The following ATP6AP1 variants were observed in gnomAD, a reference collection of about 807,000 sequenced individuals.
ATP6AP1 encodes ATPase H+ transporting accessory protein 1.
A neutral mutation model predicts 32.0 loss-of-function variants in ATP6AP1; 1 was observed. The ratio of observed to expected loss-of-function variants is 0.03; its 90% CI spans 0.01 to 0.15. The LOEUF (loss-of-function observed/expected upper bound fraction) is 0.15, where lower values mean the gene tolerates loss of function less well. ATP6AP1 is among the 10% of genes least tolerant of loss of function. The pLI is 1.00. For missense variants in ATP6AP1, 297 were observed against 398.8 expected, an observed-to-expected ratio of 0.74 and a Z score of 2.17; for synonymous variants, 187 against 174.9, an observed-to-expected ratio of 1.07 and a Z score of -0.55.
rs374255996 is a variant in ATP6AP1 at position 154,435,663 on chromosome X, G to A, written c.1204-19G>A. 176 of 1,207,330 alleles carry A rather than the reference G, an allele frequency of 1.5e-4. No individual in the cohort carries two copies. The highest frequency in any genetic ancestry group is 1.4e-3 in the Middle Eastern group (6 of 4,363). On this transcript the variant is annotated intron_variant, in intron 9 of 9. Coordinates refer to ENST00000369762, the MANE Select transcript of ATP6AP1 (RefSeq NM_001183.6). ...GCCTCCCAACGGTCCTTTCTGACCC[G>A]TGTCTGTGTGTCTGCCAGATCCAGG... is the stretch of plus-strand genomic sequence containing the variant.
chrX:154,428,745 A>T lies in ATP6AP1; in HGVS notation c.53A>T (p.Gln18Leu), dbSNP rs1350076008. 8.7e-7 allele frequency: 1 copy of T among 1,144,244 alleles called. No individual in the cohort carries two copies. The highest frequency in any genetic ancestry group is 1.2e-6 in the Non-Finnish European group (1 of 866,890). The allele number at this position is 1,144,244 out of a possible 1,213,427, so 94.3% of individuals were successfully genotyped here. The stretch of plus-strand genomic sequence containing the variant: ...GTGCGGATGGGGCCGCGGTGCGCCC[A>T]GGCGCTCTGGCGCATGCCGTGGCTG... ...ARVRMGPRCA[Q>L]ALWRMPWLPV... The change falls in exon 1 of 10, where the codon CAG (glutamine) becomes CTG (leucine). Residue 18 changes from glutamine (Q) to leucine (L), a missense_variant. Around this residue, in one of 2 missense-constraint regions of ATP6AP1, gnomAD observed 142 missense variants for 145.0 expected, o/e 0.98. Coordinates refer to ENST00000369762, the MANE Select transcript of ATP6AP1 (RefSeq NM_001183.6).
At chrX:154,435,564 C>G (rs1482750787) in intron 9 of ATP6AP1, 59 bp downstream of exon 9, 2 of 1,183,083 alleles carry the variant, frequency 1.7e-6, no homozygotes, top group Non-Finnish European at 2.3e-6. Flanking sequence ...GGTTGAGAGA[C>G]GAAGAGAGGC....
chrX:154,434,267 G>A lies in ATP6AP1; in HGVS notation c.744G>A (p.Gln248=), dbSNP rs201115233. 1.3e-4 allele frequency: 161 copies of A among 1,210,134 alleles called. No homozygotes were observed. The highest frequency in any genetic ancestry group is 1.8e-4 in the Non-Finnish European group (158 of 895,169). ...GGLGRQLLQK[Q]PVSPVIHPPV... The stretch of plus-strand genomic sequence containing the variant: ...TAGGTCGCCAGCTGCTACAAAAACA[G>A]CCAGTATCACCTGTGATCCATCCTC... Residue 248 remains glutamine, a synonymous_variant, in exon 7 of 10, where the codon CAG becomes CAA. Transcript: ENST00000369762.
Position 154,434,236 on chromosome X carries a change from G to A in ATP6AP1, c.713G>A (p.Gly238Glu), listed in dbSNP as rs2068708025. The A allele has an allele frequency of 8.3e-7, 1 of 1,211,746 alleles. No homozygotes were observed. Among genetic ancestry groups the A allele is most frequent in the Non-Finnish European group, 1.1e-6 (1 of 895,470 alleles). Residue 238 changes from glycine (G) to glutamate (E), a missense_variant, in exon 7 of 10, where the codon GGA becomes GAA. This residue lies in a region of ATP6AP1 where 155 missense variants were observed against 253.8 expected (regional missense o/e 0.61). Transcript: ENST00000369762. ...RVARDVAVVA[G>E]GLGRQLLQKQ... ...GCCCGTGATGTAGCCGTGGTGGCCGGAGGGCTAGGTCGCCAGCTGCTACAA... is the reference window on the plus strand; with the variant it reads ...GCCCGTGATGTAGCCGTGGTGGCCGAAGGGCTAGGTCGCCAGCTGCTACAA...
In ATP6AP1 at chrX:154,432,319, T is replaced by C. The variant is rs782447190; in HGVS notation, c.417T>C (p.Tyr139=). Reference sequence around the variant, plus strand: ...TGGTGCTTCCTGCCGTCGACTGGTATGCAGTCAGCACTCTGACCACTTACC... The same window carrying C: ...TGGTGCTTCCTGCCGTCGACTGGTACGCAGTCAGCACTCTGACCACTTACC... The part of the protein sequence containing the change: ...SSLVLPAVDW[Y]AVSTLTTYLQ... The change falls in exon 4 of 10, where the codon TAT becomes TAC. Residue 139 remains tyrosine, a synonymous_variant. Coordinates refer to ENST00000369762, the MANE Select transcript of ATP6AP1 (RefSeq NM_001183.6). 50 of 1,211,296 alleles carry C rather than the reference T, an allele frequency of 4.1e-5. No individual in the cohort carries two copies. The highest frequency in any genetic ancestry group is 5.1e-5 in the Non-Finnish European group (46 of 895,365).
chrX:154,428,865 G>C lies in ATP6AP1; in HGVS notation c.161+12G>C. 9.2e-7 allele frequency: 1 copy of C among 1,087,924 alleles called. No individual in the cohort carries two copies. The highest frequency in any genetic ancestry group is 1.2e-6 in the Non-Finnish European group (1 of 843,800). The allele number at this position is 1,087,924 out of a possible 1,213,427, so 89.7% of individuals were successfully genotyped here. A position where few individuals can be genotyped will look rare whatever the true frequency, so the allele number is the denominator to read the frequency against. ...TGGTCGAGTGACCGGTGAGCGGGCC[G>C]GGGTGGGATGCGCTGTGGCGGCTGA... is the stretch of plus-strand genomic sequence containing the variant. On this transcript the variant is annotated intron_variant, in intron 1 of 9. Transcript: ENST00000369762.
chrX:154,433,788 G>T, intron 6 of ATP6AP1, 68 bp downstream of exon 6: 3 of 1,101,112 alleles, frequency 2.7e-6, no homozygotes, highest in Non-Finnish European at 3.7e-6. Flanking sequence ...CTGCTTGGAG[G>T]TGGGGAGTGT....
intron 2 of ATP6AP1, 141 bp downstream of exon 2, chrX:154,429,315 A>G (rs782799723): frequency 5.9e-5 from 47 of 797,835 alleles, no homozygotes; most frequent in Non-Finnish European, 4.5e-5. Flanking sequence ...GTCTCATGGG[A>G]AGGCCTGTAG....
intron 2 of ATP6AP1, 172 bp from the exon 3 acceptor site, chrX:154,431,658 G>A (rs781867145): frequency 1.5e-4 from 73 of 491,397 alleles, no homozygotes; most frequent in Middle Eastern, 5.9e-4. Context: ...GAGGGAAGAG[G>A]TGAGTCTCCC....
intron 2 of ATP6AP1, chrX:154,431,415 C>A: frequency 6.4e-6 from 1 of 155,977 alleles, no homozygotes; most frequent in South Asian, 1.6e-4. Flanking sequence ...AGGGTCCCGT[C>A]CAGACTGGAC....
At chrX:154,433,571 G>T (rs1307060941) in intron 5 of ATP6AP1, 64 bp from the exon 6 acceptor site, 2 of 1,051,563 alleles carry the variant, frequency 1.9e-6, no homozygotes, top group African/African-American at 3.7e-5. Context: ...GCAGACAGTG[G>T]GGAGTGTTTC....
intron 2 of ATP6AP1, chrX:154,431,584 G>A: frequency 2.7e-6 from 1 of 376,979 alleles, no homozygotes; most frequent in Non-Finnish European, 4.6e-6. Context: ...CAAGTCAGCT[G>A]CCTGCAGATC....
intron 4 of ATP6AP1, 140 bp downstream of exon 4, chrX:154,432,599 G>C (rs2068699981): frequency 1.1e-6 from 1 of 893,520 alleles, no homozygotes; most frequent in Non-Finnish European, 1.5e-6. Context: ...GGTGCCCTGT[G>C]TGGCCAGAAG....
chrX:154,432,478 A>T lies in ATP6AP1; in HGVS notation c.557+19A>T. The stretch of plus-strand genomic sequence containing the variant: ...CAGCCAGGTACTGCCCGCATGGCCC[A>T]GCCACCAGCCTCGGGGCCCAGAGAG... On this transcript the variant is annotated intron_variant, in intron 4 of 9. Transcript: ENST00000369762. 4 of 1,156,189 alleles carry T rather than the reference A, an allele frequency of 3.5e-6. No homozygotes were observed. The highest frequency in any genetic ancestry group is 3.5e-6 in the Non-Finnish European group (3 of 866,183).
rs1470395239 is a variant in ATP6AP1, at chrX:154,435,271, C to T, written c.972-3C>T. The T allele has an allele frequency of 8.3e-7, 1 of 1,209,623 alleles. No homozygotes were observed. The highest frequency in any genetic ancestry group is 2.2e-5 in the Admixed American group (1 of 45,828). On this transcript the variant is annotated splice_polypyrimidine_tract_variant and splice_region_variant and intron_variant, in intron 8 of 9. Transcript: ENST00000369762. The stretch of plus-strand genomic sequence containing the variant: ...CACCTGACATCCCTGCCACCTTCCC[C>T]AGGTTCATTCTGGCCAACCGCCTCT...
At position 154,434,255 on chromosome X, in the gene ATP6AP1, G is replaced by A; in HGVS notation, c.732G>A (p.Leu244=). 8.3e-7 allele frequency: 1 copy of A among 1,211,914 alleles called. No homozygotes were observed. Among genetic ancestry groups the A allele is most frequent in the Non-Finnish European group, 1.1e-6 (1 of 895,499 alleles). ...TGGCCGGAGGGCTAGGTCGCCAGCT[G>A]CTACAAAAACAGCCAGTATCACCTG... ...AVVAGGLGRQ[L]LQKQPVSPVI... The change falls in exon 7 of 10, where the codon CTG becomes CTA. Residue 244 remains leucine, a synonymous_variant. Coordinates refer to ENST00000369762, the MANE Select transcript of ATP6AP1 (RefSeq NM_001183.6).
chrX:154,432,729 G>A (rs903468686), intron 4 of ATP6AP1, among the ~76,000 whole-genome samples: 1 of 112,037 alleles, frequency 8.9e-6, no homozygotes, highest in Non-Finnish European at 1.9e-5. Context: ...CCAGGCCCTT[G>A]TCACAGAGCA....
intron 2 of ATP6AP1, chrX:154,431,522 C>G: frequency 1.1e-5 from 2 of 176,390 alleles, no homozygotes; most frequent in East Asian, 1.4e-4. Flanking sequence ...CTCCCCAGTT[C>G]CTCTTGTCTG....
At position 154,435,485 on chromosome X, in the gene ATP6AP1, A is replaced by G; in HGVS notation, c.1183A>G (p.Met395Val). The G allele has an allele frequency of 8.3e-7, 1 of 1,211,324 alleles. No individual in the cohort carries two copies. Among genetic ancestry groups the G allele is most frequent in the Non-Finnish European group, 1.1e-6 (1 of 895,514 alleles). ...VARTQPSPWQMMLQDFQIQAF... is the reference protein window; with the variant it reads ...VARTQPSPWQVMLQDFQIQAF... ...CCGCACGCAGCCCTCTCCCTGGCAG[A>G]TGATGCTTCAGGACTTCCAGGTATG... Residue 395 changes from methionine to valine, a missense_variant, in exon 9 of 10, where the codon ATG becomes GTG. By Grantham distance (21) the Met-to-Val change is conservative. This residue lies in a region of ATP6AP1 where 155 missense variants were observed against 253.8 expected (regional missense o/e 0.61). Coordinates refer to ENST00000369762, the MANE Select transcript of ATP6AP1 (RefSeq NM_001183.6).
Sources: gnomAD v4.1 joint callset for allele counts (sites outside exome capture counted in the v4.1 genomes callset) on GRCh38, gnomAD v4.1.1 for gene constraint, gnomAD v4.1.1 regional missense constraint, MANE v1.5 for transcripts, NCBI Gene and HGNC (gene_info 2026-07-23, HGNC 2026-07-21) for gene names.